The following DMTN variants were observed in gnomAD, a reference collection of about 807,000 sequenced individuals.
DMTN encodes dematin.
DMTN carries 27 observed loss-of-function variants against 59.4 expected under a neutral mutation model. The ratio of observed to expected loss-of-function variants is 0.45; its 90% CI spans 0.33 to 0.63. The LOEUF (loss-of-function observed/expected upper bound fraction) is 0.63. DMTN is among the 20% of genes least tolerant of loss of function. The pLI, the probability that DMTN is intolerant of heterozygous loss-of-function variation, is 0.02. For missense variants in DMTN, 451 were observed against 528.9 expected, an observed-to-expected ratio of 0.85 and a Z score of 1.45; for synonymous variants, 221 against 203.7, an observed-to-expected ratio of 1.08 and a Z score of -0.72.
rs1391106819 is a variant in DMTN, at chr8:22,067,605, C to T, written c.172C>T (p.Arg58Trp). The change falls in exon 4 of 16, where the codon CGG becomes TGG. Residue 58 changes from arginine (R) to tryptophan (W), a missense_variant. By Grantham distance (101) the Arg-to-Trp change is moderately radical (BLOSUM62 -3). Coordinates refer to ENST00000358242, the MANE Select transcript of DMTN (RefSeq NM_001387751.1). ...PKDKAILDIE[R>W]PDLMIYEPHF... The stretch of plus-strand genomic sequence containing the variant: ...GGACAAGGCCATCCTGGACATCGAG[C>T]GGCCCGACCTCATGATCTACGAGCC... 3 of 1,614,060 alleles carry T rather than the reference C, an allele frequency of 1.9e-6. No homozygotes were observed. Among genetic ancestry groups the T allele is most frequent in the Non-Finnish European group, 2.5e-6 (3 of 1,180,046 alleles).
At chr8:22,061,009 C>A (rs1030850250) in intron 1 of DMTN, among the ~76,000 whole-genome samples, 1 of 151,894 alleles carries the variant, frequency 6.6e-6, no homozygotes, top group African/African-American at 2.4e-5. Context: ...CAGGGGCTCA[C>A]ACCTATGATC....
At chr8:22,049,939 C>G (rs575533154), upstream of DMTN, among the ~76,000 whole-genome samples, 1 of 152,162 alleles carries the variant, frequency 6.6e-6, no homozygotes, top group Non-Finnish European at 1.5e-5. Context: ...CAGCTACAGT[C>G]TCAGTTGATG....
chr8:22,078,806 T>TTTTTTTTG (rs35498873), intron 10 of DMTN, among the ~76,000 whole-genome samples: 1 of 126,070 alleles, frequency 7.9e-6, no homozygotes, highest in African/African-American at 3.0e-5. Context: ...CTGTTTTTTT[T>TTTTTTTTG]TTTTTTTTGA....
chr8:22,061,416 T>C (rs867369327), intron 1 of DMTN, among the ~76,000 whole-genome samples: 1 of 152,222 alleles, frequency 6.6e-6, no homozygotes, highest in Non-Finnish European at 1.5e-5. Flanking sequence ...TTGAATCATG[T>C]TTCTGAGTGC....
chr8:22,062,600 G>T (rs575158852), intron 1 of DMTN, among the ~76,000 whole-genome samples: 1 of 151,938 alleles, frequency 6.6e-6, no homozygotes, highest in Non-Finnish European at 1.5e-5. Context: ...CCTCCAAAAC[G>T]ACCCTGCCTT....
At chr8:22,056,540 G>T (rs546852964), upstream of DMTN, among the ~76,000 whole-genome samples, 19 of 152,176 alleles carry the variant, frequency 1.2e-4, no homozygotes, top group African/African-American at 4.6e-4. Context: ...TTTAGGAGGA[G>T]GCTGAGGGGC....
intron 10 of DMTN, among the ~76,000 whole-genome samples, chr8:22,074,901 A>C (rs375973171): frequency 3.9e-5 from 6 of 152,128 alleles, no homozygotes; most frequent in Non-Finnish European, 1.5e-5. Flanking sequence ...TTAAAGCCTA[A>C]GAGGGGTCCC....
At chr8:22,065,827 C>CTTTT (rs76626050) in intron 1 of DMTN, among the ~76,000 whole-genome samples, 8 of 74,596 alleles carry the variant, frequency 1.1e-4, no homozygotes, top group African/African-American at 4.2e-4. Flanking sequence ...AGAGCAAGAC[C>CTTTT]TTTTTTTTTT....
Position 22,080,834 on chromosome 8 carries a change from C to A in DMTN, c.987C>A (p.Asp329Glu). 6.3e-7 allele frequency: 1 copy of A among 1,598,526 alleles called. No individual in the cohort carries two copies. The highest frequency in any genetic ancestry group is 2.2e-5 in the East Asian group (1 of 44,510). The change falls in exon 14 of 16, where the codon GAC becomes GAA. Residue 329 changes from aspartate (D) to glutamate (E), a missense_variant. Coordinates refer to ENST00000358242, the MANE Select transcript of DMTN (RefSeq NM_001387751.1). ...QNGEGQRGRM[D>E]RGNSLPCVLE... ...GAGAGGGCCAGAGGGGGAGGATGGACCGGGGGAACTCCCTGCCCTGTGTGC... is the reference window on the plus strand; with the variant it reads ...GAGAGGGCCAGAGGGGGAGGATGGAACGGGGGAACTCCCTGCCCTGTGTGC...
intron 8 of DMTN, 57 bp downstream of exon 8, chr8:22,070,391 CCTTGGCT>C (rs751288589): frequency 4.0e-5 from 61 of 1,534,830 alleles, no homozygotes; most frequent in Non-Finnish European, 5.4e-5. Context: ...CACTCCCTCC[CCTTGGCT>C]CTTGCTGCAG....
rs984118156 is a variant in DMTN at position 22,070,080 on chromosome 8, C to T, written c.452-102C>T. On this transcript the variant is annotated intron_variant, in intron 7 of 15. Coordinates refer to ENST00000358242, the MANE Select transcript of DMTN (RefSeq NM_001387751.1). ...TGCCCCGTGCTCAGCGTGTACACTGCTTTTACCTGCAGGACCTCACAGGTG... is the reference window on the plus strand; with the variant it reads ...TGCCCCGTGCTCAGCGTGTACACTGTTTTTACCTGCAGGACCTCACAGGTG... The T allele has an allele frequency of 1.9e-6, 3 of 1,552,908 alleles. No homozygotes were observed. In the African/African-American group the frequency reaches 4.1e-5, roughly 21 times the overall value.
Position 22,081,979 on chromosome 8 carries a change from G to A in DMTN, c.*516G>A, listed in dbSNP as rs2131630732. The A allele has an allele frequency of 2.2e-6, 1 of 456,878 alleles. No individual in the cohort carries two copies. The highest frequency in any genetic ancestry group is 4.4e-6 in the Non-Finnish European group (1 of 227,038). 28.3% of individuals were successfully genotyped at this position (456,878 alleles called of 1,614,324 possible). A position where few individuals can be genotyped will look rare whatever the true frequency, so the allele number is the denominator to read the frequency against. On this transcript the variant is annotated 3_prime_UTR_variant, in exon 16 of 16. Transcript: ENST00000358242. Reference sequence around the variant, plus strand: ...GCCCCAGCTCAGCCTCCGGCAGGGAGGTCACCCCTCCACTTCAGCTTGCCC... The same window carrying A: ...GCCCCAGCTCAGCCTCCGGCAGGGAAGTCACCCCTCCACTTCAGCTTGCCC...
upstream of DMTN, among the ~76,000 whole-genome samples, chr8:22,053,999 C>T (rs972673095): frequency 1.3e-5 from 2 of 152,106 alleles, no homozygotes; most frequent in Non-Finnish European, 2.9e-5. Flanking sequence ...AGGCCGGAGG[C>T]AGAGTGAGTC....
At chr8:22,057,682 A>C (rs1156577927) in intron 1 of DMTN, among the ~76,000 whole-genome samples, 2 of 152,134 alleles carry the variant, frequency 1.3e-5, no homozygotes, top group Non-Finnish European at 2.9e-5. Context: ...GCGCAGCTGC[A>C]AGCCCAAGCC....
chr8:22,069,606 G>C, intron 6 of DMTN, 88 bp downstream of exon 6: 1 of 1,192,066 alleles, frequency 8.4e-7, no homozygotes, highest in Middle Eastern at 2.0e-4. Flanking sequence ...CCCACTCTCT[G>C]GGGTATATGC....
chr8:22,082,128 G>A lies in DMTN; in HGVS notation c.*665G>A. The A allele has an allele frequency of 2.2e-6, 1 of 456,428 alleles. No individual in the cohort carries two copies. The highest frequency in any genetic ancestry group is 4.4e-6 in the Non-Finnish European group (1 of 226,674). 28.3% of individuals were successfully genotyped at this position (456,428 alleles called of 1,614,324 possible). On this transcript the variant is annotated 3_prime_UTR_variant, in exon 16 of 16. Coordinates refer to ENST00000358242, the MANE Select transcript of DMTN (RefSeq NM_001387751.1). Reference sequence around the variant, plus strand: ...GATCCTGGCCCTCCACCTGCCTCCAGGCCACGAAATGGGAATTCCAGCACT... The same window carrying A: ...GATCCTGGCCCTCCACCTGCCTCCAAGCCACGAAATGGGAATTCCAGCACT...
rs910764585 is a variant in DMTN, at chr8:22,060,438, C to G, written c.-172+3302C>G. ...GCTCTCTCTCTCTCTCTCTCCCCCT[C>G]ACACATGCGCACGCACACACACATA... On this transcript the variant is annotated intron_variant, in intron 1 of 15. Transcript: ENST00000358242. The surrounding 1 kb of genome is among the most constrained non-coding windows in gnomAD (Gnocchi z 5.0). Among the ~76,000 whole-genome samples, 2 of 152,154 alleles carry G rather than the reference C, an allele frequency of 1.3e-5. No homozygotes were observed. The highest frequency in any genetic ancestry group is 1.3e-4 in the Admixed American group (2 of 15,278).
rs553337306 is a variant in DMTN, at chr8:22,060,271, G to A, written c.-172+3135G>A. Among the ~76,000 whole-genome samples, 1 of 152,286 alleles carries A rather than the reference G, an allele frequency of 6.6e-6. No homozygotes were observed. Among genetic ancestry groups the A allele is most frequent in the South Asian group, 2.1e-4 (1 of 4,826 alleles). ...GGGTGCATGGATGGGAGAGGGGTCT[G>A]GATGGGAGGAGGTGGAGTGAGCTGG... is the stretch of plus-strand genomic sequence containing the variant. On this transcript the variant is annotated intron_variant, in intron 1 of 15. Transcript: ENST00000358242. This position sits in a 1 kb window ranked among gnomAD's most constrained non-coding sequence, Gnocchi z 5.0.
chr8:22,081,451 C>T lies in DMTN; in HGVS notation c.1206C>T (p.Ala402=), dbSNP rs1160838213. 2 of 1,613,820 alleles carry T rather than the reference C, an allele frequency of 1.2e-6. No homozygotes were observed. The highest frequency in any genetic ancestry group is 3.3e-5 in the Admixed American group (2 of 59,998). The stretch of plus-strand genomic sequence containing the variant: ...AGCGGAATGAGCTCAAGAAGAAGGC[C>T]TCTCTCTTCTGATGGCCCCCACCTG... ...LWKRNELKKK[A]SLF is the part of the protein sequence containing the mutation. Residue 402 remains alanine (A), a synonymous_variant, in exon 16 of 16, where the codon GCC becomes GCT. Transcript: ENST00000358242.
Sources: gnomAD v4.1 joint callset for allele counts (sites outside exome capture counted in the v4.1 genomes callset) on GRCh38, gnomAD v4.1.1 for gene constraint, Gnocchi (gnomAD v3.1) non-coding constraint, MANE v1.5 for transcripts, NCBI Gene and HGNC (gene_info 2026-07-23, HGNC 2026-07-21) for gene names.